The following DAB1 variants were observed in gnomAD, a reference collection of about 807,000 sequenced individuals.
DAB1 encodes DAB adaptor protein 1.
Under a neutral mutation model 64.6 loss-of-function variants are expected in DAB1, and 15 were observed. The ratio of observed to expected loss-of-function variants is 0.23; its 90% CI spans 0.16 to 0.36. The LOEUF is 0.36. DAB1 is among the 10% of genes least tolerant of loss of function. The probability of loss-of-function intolerance (pLI) is 1.00; values close to 1 mark genes in which losing one functional copy is unlikely to be tolerated. For synonymous variants in DAB1, 235 were observed against 251.9 expected (o/e 0.93, Z 0.64); for missense variants, 596 against 706.7 (o/e 0.84, Z 1.78).
chr1:57,793,445 A>T (rs1238388361), intron 6 of DAB1, among the ~76,000 whole-genome samples: 1 of 152,182 alleles, frequency 6.6e-6, no homozygotes, highest in Non-Finnish European at 1.5e-5. Flanking sequence ...AGTCATGAAG[A>T]AGAGACAGTG....
Position 57,985,057 on chromosome 1 carries a change from G to A in DAB1, n.388-100895C>T, listed in dbSNP as rs373447251. On this transcript the variant is annotated intron_variant and non_coding_transcript_variant, in intron 5 of 20. Transcript: ENST00000485760. Reference sequence around the variant, plus strand: ...CAAGTAGCTGGGATTACAGGCGCACGCCACCAGGCCCAACTAATTTTTGTA... The same window carrying A: ...CAAGTAGCTGGGATTACAGGCGCACACCACCAGGCCCAACTAATTTTTGTA... 1.4e-3 allele frequency among the ~76,000 whole-genome samples: 215 copies of A among 152,150 alleles called. 8 individuals are homozygous for A. The South Asian group carries it at 0.04, about 28-fold the overall frequency.
chr1:57,658,232 T>C (rs1049667489), intron 6 of DAB1, among the ~76,000 whole-genome samples: 1 of 152,182 alleles, frequency 6.6e-6, no homozygotes, highest in African/African-American at 2.4e-5. Flanking sequence ...CCTGCTTCTA[T>C]GTCTTGCAAT....
At chr1:57,835,373 A>C (rs1652764658) in intron 1 of DAB1, among the ~76,000 whole-genome samples, 2 of 152,212 alleles carry the variant, frequency 1.3e-5, no homozygotes, top group African/African-American at 4.8e-5. Flanking sequence ...TTTTCAGATG[A>C]GGAAACTGAC....
intron 6 of DAB1, among the ~76,000 whole-genome samples, chr1:57,651,703 G>C (rs1485350210): frequency 1.3e-5 from 2 of 152,034 alleles, no homozygotes; most frequent in Non-Finnish European, 2.9e-5. Context: ...TTCAAAACAG[G>C]CTTAAAGTTC....
intron 5 of DAB1, among the ~76,000 whole-genome samples, chr1:57,965,427 C>A (rs903493116): frequency 1.3e-5 from 2 of 152,134 alleles, no homozygotes; most frequent in African/African-American, 4.8e-5. Context: ...ATTCTCTAAC[C>A]TCTGGCCTCT....
intron 6 of DAB1, among the ~76,000 whole-genome samples, chr1:57,734,715 A>C (rs1161593420): frequency 1.3e-5 from 2 of 152,196 alleles, no homozygotes; most frequent in Middle Eastern, 3.2e-3. Context: ...AGGGGACGGG[A>C]TATACTTTTC....
At chr1:57,699,514 A>G (rs902538412) in intron 6 of DAB1, among the ~76,000 whole-genome samples, 15 of 152,188 alleles carry the variant, frequency 9.9e-5, no homozygotes, top group African/African-American at 3.4e-4. Context: ...ATATATATTC[A>G]AGAGTCTTAA....
intron 1 of DAB1, among the ~76,000 whole-genome samples, chr1:57,404,141 G>A (rs892347818): frequency 6.6e-6 from 1 of 151,828 alleles, no homozygotes; most frequent in African/African-American, 2.4e-5. Flanking sequence ...CAAAGAGAAG[G>A]GTATATTATG....
chr1:57,557,115 A>G (rs1432968067), intron 7 of DAB1, among the ~76,000 whole-genome samples: 1 of 152,122 alleles, frequency 6.6e-6, no homozygotes, highest in Admixed American at 6.5e-5. Context: ...GCCACAGGAG[A>G]TTAACATTTG....
chr1:57,433,104 T>C (rs1042993480), intron 7 of DAB1, among the ~76,000 whole-genome samples: 2 of 152,154 alleles, frequency 1.3e-5, no homozygotes, highest in African/African-American at 4.8e-5. Context: ...TGTTCATGGT[T>C]TGAAAAACAT....
At chr1:57,163,576 G>A (rs535463962) in intron 2 of DAB1, among the ~76,000 whole-genome samples, 57 of 152,106 alleles carry the variant, frequency 3.7e-4, no homozygotes, top group South Asian at 4.1e-4. Flanking sequence ...TGGTGGGGGC[G>A]GCGGTACCTT....
intron 7 of DAB1, among the ~76,000 whole-genome samples, chr1:57,561,412 T>C (rs1176729649): frequency 1.3e-5 from 2 of 152,186 alleles, no homozygotes; most frequent in African/African-American, 4.8e-5. Context: ...ATATACTGAT[T>C]CATGGGCTGT....
intron 4 of DAB1, among the ~76,000 whole-genome samples, chr1:58,167,800 T>G (rs1570439539): frequency 6.6e-6 from 1 of 152,190 alleles, no homozygotes; most frequent in Non-Finnish European, 1.5e-5. Flanking sequence ...GGCAAAGGTC[T>G]GTGGCTTCAC....
chr1:57,390,168 C>T (rs1055753958), intron 1 of DAB1, among the ~76,000 whole-genome samples: 1 of 152,170 alleles, frequency 6.6e-6, no homozygotes, highest in Non-Finnish European at 1.5e-5. Context: ...CCCTATGTGG[C>T]GCTCTTAAGT....
At chr1:57,133,905 C>A (rs566683579) in intron 4 of DAB1, among the ~76,000 whole-genome samples, 1 of 152,132 alleles carries the variant, frequency 6.6e-6, no homozygotes, top group Non-Finnish European at 1.5e-5. Flanking sequence ...CCCTGCTGGG[C>A]AATGACTAAG....
chr1:57,743,289 T>G (rs1199887774), intron 6 of DAB1, among the ~76,000 whole-genome samples: 1 of 152,220 alleles, frequency 6.6e-6, no homozygotes, highest in Non-Finnish European at 1.5e-5. Flanking sequence ...CCACCCTAAC[T>G]GATCAATGTA....
At chr1:57,790,328 T>G (rs12077416) in intron 6 of DAB1, among the ~76,000 whole-genome samples, 4,353 of 152,256 alleles carry the variant, frequency 0.029, 206 homozygotes, top group African/African-American at 0.1. Context: ...GCCTTTGCTC[T>G]GTACTTCTCC....
At chr1:57,337,347 C>T (rs141751265) in intron 1 of DAB1, among the ~76,000 whole-genome samples, 44 of 152,324 alleles carry the variant, frequency 2.9e-4, no homozygotes, top group African/African-American at 8.4e-4. Context: ...TTGCCCTGTT[C>T]CAGGCACACC....
intron 4 of DAB1, among the ~76,000 whole-genome samples, chr1:58,261,757 A>G (rs1009173588): frequency 3.3e-5 from 5 of 152,052 alleles, no homozygotes; most frequent in Admixed American, 6.5e-5. Context: ...GGGTCTCCCA[A>G]TGTTGCCCAG....
Sources: allele counts gnomAD v4.1 joint callset (sites outside exome capture counted in the v4.1 genomes callset), GRCh38; gene constraint gnomAD v4.1.1; transcripts MANE v1.5; gene names NCBI Gene and HGNC (gene_info 2026-07-23, HGNC 2026-07-21).